The following SERPINE3 variants were observed in gnomAD, a reference collection of about 807,000 sequenced individuals.
SERPINE3 encodes the protein serpin E3.
Under a neutral mutation model 41.7 loss-of-function variants are expected in SERPINE3, and 43 were observed. The observed-to-expected ratio is 1.03, with a 90% CI of 0.81 to 1.33. The LOEUF is 1.33. Ranked by LOEUF, SERPINE3 falls within the 40% of genes most tolerant of loss-of-function variation. The probability of loss-of-function intolerance (pLI) is 0.00; values close to 1 mark genes in which losing one functional copy is unlikely to be tolerated. For missense variants in SERPINE3, 440 were observed against 491.7 expected, an observed-to-expected ratio of 0.89 and a Z score of 0.99; for synonymous variants, 200 against 192.2, an observed-to-expected ratio of 1.04 and a Z score of -0.34.
At position 51,344,228 on chromosome 13, in the gene SERPINE3, C is replaced by T. The variant is rs535219909; in HGVS notation, c.257-24C>T. ...CCTTACTCACACTCACCATTGTCAACTTATCCCAACTTGTTTTTCACAGAC... is the reference window on the plus strand; with the variant it reads ...CCTTACTCACACTCACCATTGTCAATTTATCCCAACTTGTTTTTCACAGAC... On this transcript the variant is annotated intron_variant, in intron 3 of 9. Coordinates refer to ENST00000681248, the MANE Select transcript of SERPINE3 (RefSeq NM_001386375.1). 67 of 1,588,850 alleles carry T rather than the reference C, an allele frequency of 4.2e-5. No individual in the cohort carries two copies. The East Asian group carries it at 1.1e-3, about 26-fold the overall frequency.
intron 6 of SERPINE3, chr13:51,354,225 T>C (rs764673963): frequency 6.6e-6 from 1 of 152,122 alleles, no homozygotes; most frequent in Non-Finnish European, 1.5e-5. Context: ...TGTAGGTGAC[T>C]AGAGCATGGG....
rs776468580 is a variant in SERPINE3, at chr13:51,347,052, G to T, written c.518G>T (p.Gly173Val). The part of the protein sequence containing the change: ...AGGGPSEGPG[G>V]WPWEQVSAAF... ...GGGGGCCCCAGTGAGGGCCCTGGTGGCTGGCCGTGGGAGCAAGTCAGTGCA... is the reference window on the plus strand; with the variant it reads ...GGGGGCCCCAGTGAGGGCCCTGGTGTCTGGCCGTGGGAGCAAGTCAGTGCA... Residue 173 changes from glycine to valine, a missense_variant, in exon 5 of 10, where the codon GGC becomes GTC. Coordinates refer to ENST00000681248, the MANE Select transcript of SERPINE3 (RefSeq NM_001386375.1). The T allele has an allele frequency of 2.5e-6, 4 of 1,591,654 alleles. No homozygotes were observed. The highest frequency in any genetic ancestry group is 3.4e-6 in the Non-Finnish European group (4 of 1,168,874).
At position 51,348,484 on chromosome 13, in the gene SERPINE3, G is replaced by A. The variant is rs185204706; in HGVS notation, c.899+73G>A. 5.7e-4 allele frequency: 757 copies of A among 1,316,672 alleles called. 5 individuals are homozygous for A. The African/African-American group carries it at 9.1e-3, about 16-fold the overall frequency. The allele number at this position is 1,316,672 out of a possible 1,614,324, so 81.6% of individuals were successfully genotyped here. A position where few individuals can be genotyped will look rare whatever the true frequency, so the allele number is the denominator to read the frequency against. ...AAGAGCGTGGATTTGCACACAGGTG[G>A]TCTGCCTCCAGGGTCTGTGCTTAGC... On this transcript the variant is annotated intron_variant, in intron 6 of 9. Transcript: ENST00000681248.
chr13:51,348,381 G>A lies in SERPINE3; in HGVS notation c.869G>A (p.Arg290Lys), dbSNP rs1283214358. ...STIHLWTTSL[R>K]RARMDVFLPR... ...ATCCACCTCTGGACCACCAGCCTGA[G>A]GAGAGCCAGGATGGATGTGTTCCTG... The change falls in exon 6 of 10, where the codon AGG becomes AAG. Residue 290 changes from arginine to lysine, a missense_variant. Coordinates refer to ENST00000681248, the MANE Select transcript of SERPINE3 (RefSeq NM_001386375.1). 17 of 1,613,766 alleles carry A rather than the reference G, an allele frequency of 1.1e-5. No homozygotes were observed. The highest frequency in any genetic ancestry group is 1.4e-5 in the Non-Finnish European group (16 of 1,179,876).
rs571127124 is a variant in SERPINE3, at chr13:51,347,986, C to T, written c.701-227C>T. Reference sequence around the variant, plus strand: ...CCCCCCATACCCAGTCCTAGAGAACCTCTAACTCTGGTCCTGTGAGGGTAT... The same window carrying T: ...CCCCCCATACCCAGTCCTAGAGAACTTCTAACTCTGGTCCTGTGAGGGTAT... On this transcript the variant is annotated intron_variant, in intron 5 of 9. Coordinates refer to ENST00000681248, the MANE Select transcript of SERPINE3 (RefSeq NM_001386375.1). Among the ~76,000 whole-genome samples, 68 of 152,216 alleles carry T rather than the reference C, an allele frequency of 4.5e-4. 1 individual carries two copies. Among genetic ancestry groups the T allele is most frequent in the African/African-American group, 1.6e-3 (68 of 41,526 alleles).
At chr13:51,348,868 G>C (rs1955379268) in intron 6 of SERPINE3, among the ~76,000 whole-genome samples, 1 of 52,632 alleles carries the variant, frequency 1.9e-5, no homozygotes, top group Non-Finnish European at 3.2e-5. Context: ...ATAAAATTCT[G>C]ATCAGACGCC....
chr13:51,361,752 A>T, intron 8 of SERPINE3, 58 bp from the exon 9 acceptor site: 4 of 1,431,010 alleles, frequency 2.8e-6, no homozygotes, highest in Non-Finnish European at 3.8e-6. Context: ...CATAACCAAT[A>T]GTTATTTTCT....
chr13:51,353,182 T>C (rs781338008), intron 6 of SERPINE3, among the ~76,000 whole-genome samples: 15 of 152,320 alleles, frequency 9.8e-5, no homozygotes, highest in Admixed American at 3.3e-4. Flanking sequence ...TTTATAGTCA[T>C]ATCTCACTTT....
chr13:51,347,019 T>C lies in SERPINE3; in HGVS notation c.491-6T>C. 6.4e-7 allele frequency: 1 copy of C among 1,569,032 alleles called. No homozygotes were observed. On this transcript the variant is annotated splice_polypyrimidine_tract_variant and splice_region_variant and intron_variant, in intron 4 of 9. Coordinates refer to ENST00000681248, the MANE Select transcript of SERPINE3 (RefSeq NM_001386375.1). The stretch of plus-strand genomic sequence containing the variant: ...ACCCATGGCCACCTTGCTTTCCTGC[T>C]TGCAGGTGGGGGCCCCAGTGAGGGC...
At chr13:51,348,653 C>A in intron 6 of SERPINE3, 1 of 318,118 alleles carries the variant, frequency 3.1e-6, no homozygotes, top group East Asian at 5.8e-5. Flanking sequence ...CTTTCCAAGA[C>A]AAGATATTCT....
intron 3 of SERPINE3, 77 bp from the exon 4 acceptor site, chr13:51,344,175 G>C: frequency 9.8e-7 from 1 of 1,015,882 alleles, no homozygotes. Flanking sequence ...CCATCTCAAT[G>C]CAATGTGTGC....
rs1281226079 is a variant in SERPINE3 at position 51,341,110 on chromosome 13, A to C, written c.19A>C (p.Thr7Pro). The change falls in exon 3 of 10, where the codon ACC (threonine) becomes CCC (proline). Residue 7 changes from threonine (T) to proline (P), a missense_variant. Physicochemically the swap from Thr to Pro is conservative, Grantham distance 38. Coordinates refer to ENST00000681248, the MANE Select transcript of SERPINE3 (RefSeq NM_001386375.1). Reference protein sequence around the residue: MPPFLITLFLFHSCCLR... With the variant: MPPFLIPLFLFHSCCLR... ...AGCCTCCATGCCGCCTTTCCTGATC[A>C]CCCTCTTCCTCTTTCACTCTTGCTG... The C allele has an allele frequency of 3.1e-6, 5 of 1,613,432 alleles. No individual in the cohort carries two copies. In the African/African-American group the frequency reaches 5.3e-5, roughly 17 times the overall value.
Position 51,361,803 on chromosome 13 carries a change from C to T in SERPINE3, c.1088-7C>T, listed in dbSNP as rs1379556707. ...AATGCAATGGAATTTTTCTTTCTTT[C>T]CTGCAGCTCTGTTGTTATTGAAAAG... On this transcript the variant is annotated splice_polypyrimidine_tract_variant and splice_region_variant and intron_variant, in intron 8 of 9. Transcript: ENST00000681248. 5 of 1,576,984 alleles carry T rather than the reference C, an allele frequency of 3.2e-6. No homozygotes were observed. The highest frequency in any genetic ancestry group is 2.4e-5 in the South Asian group (2 of 84,480).
chr13:51,352,379 A>T (rs1335708656), intron 6 of SERPINE3, among the ~76,000 whole-genome samples: 1 of 150,678 alleles, frequency 6.6e-6, no homozygotes, highest in Non-Finnish European at 1.5e-5. Context: ...ACTCATTTTC[A>T]GATTGTTCTA....
Position 51,364,363 on chromosome 13 carries a change from A to G in SERPINE3, c.*81A>G, listed in dbSNP as rs952110343. The G allele has an allele frequency of 6.6e-6, 5 of 759,924 alleles. No homozygotes were observed. The highest frequency in any genetic ancestry group is 1.0e-5 in the Non-Finnish European group (5 of 492,786). 47.1% of individuals were successfully genotyped at this position (759,924 alleles called of 1,614,324 possible). A position where few individuals can be genotyped will look rare whatever the true frequency, so the allele number is the denominator to read the frequency against. On this transcript the variant is annotated 3_prime_UTR_variant, in exon 10 of 10. Transcript: ENST00000681248. ...TGCTATACCCTTGAAATTTAAAAAA[A>G]TGTCTGATAAAGTGTAAAAAGCTAA...
intron 6 of SERPINE3, among the ~76,000 whole-genome samples, chr13:51,351,964 T>C (rs534204388): frequency 1.3e-5 from 2 of 152,134 alleles, no homozygotes; most frequent in Non-Finnish European, 2.9e-5. Context: ...TCTAAGTTTA[T>C]TTCTGGACTT....
intron 7 of SERPINE3, among the ~76,000 whole-genome samples, chr13:51,360,666 G>A (rs1409092817): frequency 6.6e-6 from 1 of 152,036 alleles, no homozygotes; most frequent in Non-Finnish European, 1.5e-5. Flanking sequence ...TCTAGCCCAT[G>A]AGGCAAATTA....
rs150478548 is a variant in SERPINE3 at position 51,364,333 on chromosome 13, C to T, written c.*51C>T. On this transcript the variant is annotated 3_prime_UTR_variant, in exon 10 of 10. Coordinates refer to ENST00000681248, the MANE Select transcript of SERPINE3 (RefSeq NM_001386375.1). ...GCTTTTCTTCATAAAGTTATAATTT[C>T]ATTTTGCTATACCCTTGAAATTTAA... The T allele has an allele frequency of 6.4e-3, 6,886 of 1,077,696 alleles. 30 individuals are homozygous for T. Among genetic ancestry groups the T allele is most frequent in the Non-Finnish European group, 7.2e-3 (5,404 of 754,566 alleles). 66.8% of individuals were successfully genotyped at this position (1,077,696 alleles called of 1,614,324 possible). A position where few individuals can be genotyped will look rare whatever the true frequency, so the allele number is the denominator to read the frequency against.
In SERPINE3 at chr13:51,344,184, G is replaced by C. The variant is rs1462810906; in HGVS notation, c.257-68G>C. ...GGCGTTCCATCTCAATGCAATGTGT[G>C]CTGGAGGTTGTGCTAACTCCTTACT... On this transcript the variant is annotated intron_variant, in intron 3 of 9. Coordinates refer to ENST00000681248, the MANE Select transcript of SERPINE3 (RefSeq NM_001386375.1). The C allele has an allele frequency of 2.7e-6, 3 of 1,117,572 alleles. No homozygotes were observed. In the African/African-American group the frequency reaches 4.6e-5, roughly 17 times the overall value. The allele number at this position is 1,117,572 out of a possible 1,614,324, so 69.2% of individuals were successfully genotyped here.
Sources: allele counts gnomAD v4.1 joint callset (sites outside exome capture counted in the v4.1 genomes callset), GRCh38; gene constraint gnomAD v4.1.1; transcripts MANE v1.5; gene names NCBI Gene and HGNC (gene_info 2026-07-23, HGNC 2026-07-21).